Variants in ARHGEF4 observed in about 807,000 individuals in gnomAD.
The protein encoded by ARHGEF4 is Rho guanine nucleotide exchange factor 4.
A neutral mutation model predicts 162.0 loss-of-function variants in ARHGEF4; 119 were observed. That is an observed-to-expected ratio of 0.73 (90% CI 0.63 to 0.86). ARHGEF4 has a LOEUF of 0.86. Ranked by LOEUF, ARHGEF4 falls within the 40% of genes least tolerant of loss-of-function variation. The pLI, the probability that ARHGEF4 is intolerant of heterozygous loss-of-function variation, is 0.00. For synonymous variants in ARHGEF4, 1,014 were observed against 979.9 expected, an observed-to-expected ratio of 1.03 and a Z score of -0.65; for missense variants, 2,488 against 2,456.0, an observed-to-expected ratio of 1.01 and a Z score of -0.28.
chr2:131,017,617 G>C (rs768883775), intron 4 of ARHGEF4, among the ~76,000 whole-genome samples: 1 of 152,074 alleles, frequency 6.6e-6, no homozygotes, highest in Non-Finnish European at 1.5e-5. Flanking sequence ...TATTCCCCTC[G>C]AGAGACCATT....
intron 1 of ARHGEF4, among the ~76,000 whole-genome samples, chr2:130,856,295 T>C (rs1681779575): frequency 6.6e-6 from 1 of 152,162 alleles, no homozygotes; most frequent in Admixed American, 6.5e-5. Context: ...ATAGAGATTA[T>C]GTAATTTGAA....
At chr2:130,845,606 T>A (rs978539768) in intron 1 of ARHGEF4, among the ~76,000 whole-genome samples, 2 of 152,078 alleles carry the variant, frequency 1.3e-5, no homozygotes, top group Non-Finnish European at 2.9e-5. Flanking sequence ...CTAGAAAGTG[T>A]GTTTTTACAG....
Position 130,990,632 on chromosome 2 carries a change from G to A in ARHGEF4, c.3986-37313G>A, listed in dbSNP as rs145006426. ...GTGGGAGGCCCTGAAGAGGAGAGTTGAGGATCCCACAGTGATTCTGCAACC... is the reference window on the plus strand; with the variant it reads ...GTGGGAGGCCCTGAAGAGGAGAGTTAAGGATCCCACAGTGATTCTGCAACC... On this transcript the variant is annotated intron_variant, in intron 4 of 13. Coordinates refer to ENST00000409359, the MANE Select transcript of ARHGEF4 (RefSeq NM_001367493.1). 3.3e-5 allele frequency among the ~76,000 whole-genome samples: 5 copies of A among 151,742 alleles called. No homozygotes were observed. The East Asian group carries it at 1.0e-3, about 31-fold the overall frequency.
At chr2:130,884,159 G>T (rs1394789769) in intron 1 of ARHGEF4, among the ~76,000 whole-genome samples, 2 of 152,088 alleles carry the variant, frequency 1.3e-5, no homozygotes, top group African/African-American at 4.8e-5. Context: ...GGCAGGAAAT[G>T]AGCTGAGCCT....
At chr2:131,033,504 G>A (rs1690011327) in intron 5 of ARHGEF4, among the ~76,000 whole-genome samples, 1 of 152,172 alleles carries the variant, frequency 6.6e-6, no homozygotes, top group Admixed American at 6.5e-5. Context: ...TGTACCCAGG[G>A]CCCAGAGGAC....
At chr2:130,840,239 G>A (rs955298508) in intron 1 of ARHGEF4, among the ~76,000 whole-genome samples, 2 of 152,144 alleles carry the variant, frequency 1.3e-5, no homozygotes, top group African/African-American at 2.4e-5. Context: ...CACATAGACC[G>A]AGTTTTCATC....
At chr2:130,866,263 T>C (rs989676723) in intron 1 of ARHGEF4, among the ~76,000 whole-genome samples, 3 of 152,148 alleles carry the variant, frequency 2.0e-5, no homozygotes, top group African/African-American at 7.2e-5. Flanking sequence ...CATGCATCTG[T>C]AATCCAGCTA....
At chr2:131,044,208 C>T (rs2105420830) in intron 11 of ARHGEF4, 91 bp from the exon 12 acceptor site, 1 of 1,529,842 alleles carries the variant, frequency 6.5e-7, no homozygotes, top group South Asian at 1.3e-5. Context: ...CACCAGCAGC[C>T]CCTCCTATGG....
intron 9 of ARHGEF4, 41 bp downstream of exon 9, chr2:131,041,503 C>T (rs767500112): frequency 1.3e-6 from 2 of 1,567,854 alleles, no homozygotes; most frequent in Non-Finnish European, 1.7e-6. Context: ...CACGCCTCTG[C>T]ATGCCTCCAG....
At chr2:130,871,941 G>A (rs982100556) in intron 1 of ARHGEF4, among the ~76,000 whole-genome samples, 4 of 152,230 alleles carry the variant, frequency 2.6e-5, no homozygotes, top group South Asian at 2.1e-4. Context: ...CCTATCCAGC[G>A]TCATGATGAT....
rs910776058 is a variant in ARHGEF4 at position 130,930,967 on chromosome 2, G to A, written c.3568G>A (p.Glu1190Lys). ...TGCTCTCCAGAACCACATGCCCTGGGAAGAACCAGCAGGTGAGAAGCCCAG... is the reference window on the plus strand; with the variant it reads ...TGCTCTCCAGAACCACATGCCCTGGAAAGAACCAGCAGGTGAGAAGCCCAG... ...LPGSENHMPW[E>K]EPAGEKPSCS... The change falls in exon 3 of 14, where the codon GAA (glutamate) becomes AAA (lysine). Residue 1190 changes from glutamate (E) to lysine (K), a missense_variant. Around this residue, in one of 6 missense-constraint regions of ARHGEF4, gnomAD observed 1,642 missense variants for 1,481.5 expected, o/e 1.11. Transcript: ENST00000409359. The A allele has an allele frequency of 4.4e-6, 7 of 1,608,110 alleles. No homozygotes were observed. In the Admixed American group the frequency reaches 5.0e-5, roughly 12 times the overall value.
intron 4 of ARHGEF4, among the ~76,000 whole-genome samples, chr2:130,991,506 G>T (rs1686961035): frequency 6.6e-6 from 1 of 152,224 alleles, no homozygotes; most frequent in African/African-American, 2.4e-5. Flanking sequence ...CTGGAGTTCG[G>T]TGGGCGTGGG....
intron 1 of ARHGEF4, among the ~76,000 whole-genome samples, chr2:130,910,207 TA>T (rs1364734245): frequency 2.6e-5 from 4 of 151,592 alleles, no homozygotes; most frequent in South Asian, 2.1e-4. Context: ...GGTATAATAA[TA>T]AAAAAAAGTG....
intron 4 of ARHGEF4, among the ~76,000 whole-genome samples, chr2:131,015,739 A>G (rs1688734813): frequency 6.6e-6 from 1 of 152,046 alleles, no homozygotes; most frequent in African/African-American, 2.4e-5. Context: ...ATAGAAACAA[A>G]CTCAGTCCAG....
intron 1 of ARHGEF4, among the ~76,000 whole-genome samples, chr2:130,911,526 T>C (rs746091194): frequency 1.8e-4 from 27 of 152,248 alleles, no homozygotes; most frequent in Non-Finnish European, 3.5e-4. Context: ...AGAAAGTCTT[T>C]ATAAGATTAG....
intron 5 of ARHGEF4, among the ~76,000 whole-genome samples, chr2:131,034,322 C>A (rs890827154): frequency 1.3e-5 from 2 of 152,228 alleles, no homozygotes; most frequent in Admixed American, 1.3e-4. Flanking sequence ...CCTGGGCTGT[C>A]ATTCTTAAGG....
In ARHGEF4 at chr2:131,046,092, ACCGGCCCCAGCAG is replaced by A; in HGVS notation, c.5536_5548del (p.Pro1847SerfsTer32). On this transcript the variant is annotated frameshift_variant, in exon 14 of 14. Coordinates refer to ENST00000409359, the MANE Select transcript of ARHGEF4 (RefSeq NM_001367493.1). LOFTEE classifies it high-confidence loss of function. ...CAGAAGCACCCAGCCCTGCCCAGCA[ACCGGCCCCAGCAG>A]CAGGTCCTGGTGCTGGCGGAGCCCA... The A allele has an allele frequency of 6.2e-7, 1 of 1,612,950 alleles. No individual in the cohort carries two copies. The highest frequency in any genetic ancestry group is 8.5e-7 in the Non-Finnish European group (1 of 1,179,878).
chr2:130,916,558 C>G lies in ARHGEF4; in HGVS notation c.2612C>G (p.Pro871Arg), dbSNP rs932195132. The change falls in exon 2 of 14, where the codon CCG (proline) becomes CGG (arginine). Residue 871 changes from proline to arginine, a missense_variant. Pro to Arg is a moderately radical substitution (Grantham distance 103, BLOSUM62 -2). Around this residue, in one of 6 missense-constraint regions of ARHGEF4, gnomAD observed 1,642 missense variants for 1,481.5 expected, o/e 1.11. Transcript: ENST00000409359. ...PQAAGDRTAG[P>R]AGAGHTGTSG... ...GCTGCAGGCGACAGGACTGCAGGGC[C>G]GGCAGGAGCGGGGCACACGGGGACC... is the stretch of plus-strand genomic sequence containing the variant. The G allele has an allele frequency of 1.3e-6, 2 of 1,550,124 alleles. No homozygotes were observed. The highest frequency in any genetic ancestry group is 4.9e-5 in the East Asian group (2 of 40,900).
rs2105421865 is a variant in ARHGEF4, at chr2:131,044,469, G to A, written c.5328G>A (p.Lys1776=). 1 of 1,554,688 alleles carries A rather than the reference G, an allele frequency of 6.4e-7. No homozygotes were observed. The highest frequency in any genetic ancestry group is 8.7e-7 in the Non-Finnish European group (1 of 1,149,034). Residue 1776 remains lysine, a synonymous_variant, in exon 12 of 14, where the codon AAG becomes AAA. Coordinates refer to ENST00000409359, the MANE Select transcript of ARHGEF4 (RefSeq NM_001367493.1). The part of the protein sequence containing the change: ...TGDSHLLCTR[K]PEQKQRWLKA... ...ACAGCCACCTGCTGTGCACCAGGAA[G>A]CCCGAGCAGAAGCAGCGCTGGCTCA...
Sources: gnomAD v4.1 joint callset for allele counts (sites outside exome capture counted in the v4.1 genomes callset) on GRCh38, gnomAD v4.1.1 for gene constraint, gnomAD v4.1.1 regional missense constraint, MANE v1.5 for transcripts, NCBI Gene and HGNC (gene_info 2026-07-23, HGNC 2026-07-21) for gene names.